TMEM132C: variants seen among roughly 807,000 people sequenced by gnomAD.
The protein encoded by TMEM132C is transmembrane protein 132C, also known as protein phosphatase 1, regulatory subunit 152.
A neutral mutation model predicts 61.4 loss-of-function variants in TMEM132C; 29 were observed. The ratio of observed to expected loss-of-function variants is 0.47; its 90% CI spans 0.35 to 0.64. TMEM132C has a LOEUF of 0.64. Among genes scored for constraint, TMEM132C ranks in the 30% least tolerant of loss-of-function variants. The pLI is 0.00. For synonymous variants in TMEM132C, 656 were observed against 633.1 expected, an observed-to-expected ratio of 1.04 and a Z score of -0.54; for missense variants, 1,408 against 1,476.9, an observed-to-expected ratio of 0.95 and a Z score of 0.76.
At chr12:128,430,211 C>G (rs1244240329) in intron 2 of TMEM132C, among the ~76,000 whole-genome samples, 1 of 152,172 alleles carries the variant, frequency 6.6e-6, no homozygotes, top group African/African-American at 2.4e-5. Flanking sequence ...CACTTCGCTT[C>G]GTATGACACA....
chr12:128,574,398 C>T (rs1040862500), intron 3 of TMEM132C, among the ~76,000 whole-genome samples: 5 of 152,246 alleles, frequency 3.3e-5, no homozygotes, highest in Non-Finnish European at 7.3e-5. Context: ...TTCACAGCAT[C>T]CCTACCATAG....
intron 2 of TMEM132C, among the ~76,000 whole-genome samples, chr12:128,493,793 A>G (rs1008798216): frequency 2.0e-5 from 3 of 152,206 alleles, no homozygotes; most frequent in African/African-American, 7.2e-5. Context: ...TGTCATCTGC[A>G]AACAGGGACA....
chr12:128,391,360 T>C (rs1874758174), intron 1 of TMEM132C, among the ~76,000 whole-genome samples: 1 of 152,184 alleles, frequency 6.6e-6, no homozygotes, highest in Non-Finnish European at 1.5e-5. Context: ...AGAGGCTCAC[T>C]GTGGTGGGAT....
At chr12:128,536,397 G>T (rs572785740) in intron 2 of TMEM132C, among the ~76,000 whole-genome samples, 1 of 152,226 alleles carries the variant, frequency 6.6e-6, no homozygotes, top group African/African-American at 2.4e-5. Context: ...GTCATGGGGT[G>T]GGGGGCTGGG....
chr12:128,392,060 C>CCCTT (rs1565922152), intron 1 of TMEM132C, among the ~76,000 whole-genome samples: 1 of 67,310 alleles, frequency 1.5e-5, no homozygotes, highest in East Asian at 7.2e-4. Flanking sequence ...CTGTCTCTCT[C>CCCTT]TCTTTCTCTC....
intron 2 of TMEM132C, among the ~76,000 whole-genome samples, chr12:128,480,566 C>T (rs1871286372): frequency 6.6e-6 from 1 of 152,180 alleles, no homozygotes; most frequent in African/African-American, 2.4e-5. Context: ...AGGCTGCAGT[C>T]CCCGTTGCTG....
At chr12:128,461,024 A>G (rs1176722549) in intron 2 of TMEM132C, among the ~76,000 whole-genome samples, 2 of 152,222 alleles carry the variant, frequency 1.3e-5, no homozygotes, top group East Asian at 1.9e-4. Context: ...GTTTTTTAAA[A>G]GAAAGTTAAT....
At chr12:128,286,140 G>C (rs961330860) in intron 1 of TMEM132C, among the ~76,000 whole-genome samples, 1 of 149,872 alleles carries the variant, frequency 6.7e-6, no homozygotes, top group Non-Finnish European at 1.5e-5. Context: ...TCACACACAC[G>C]CATGCTTTCA....
At position 128,452,689 on chromosome 12, in the gene TMEM132C, G is replaced by A. The variant is rs555853728; in HGVS notation, c.974+37069G>A. 3.2e-4 allele frequency among the ~76,000 whole-genome samples: 48 copies of A among 151,830 alleles called. 1 individual carries two copies. The highest frequency in any genetic ancestry group is 1.0e-3 in the African/African-American group (42 of 41,348). The stretch of plus-strand genomic sequence containing the variant: ...ACTGCACTCCAGCCTGGGCGACAGA[G>A]TGAGACTCCATCTCAAAAAAAAACC... On this transcript the variant is annotated intron_variant, in intron 2 of 8. Transcript: ENST00000435159.
At chr12:128,340,293 A>G (rs1872914740) in intron 1 of TMEM132C, among the ~76,000 whole-genome samples, 1 of 152,176 alleles carries the variant, frequency 6.6e-6, no homozygotes, top group African/African-American at 2.4e-5. Flanking sequence ...AGGTTCAAAA[A>G]GTCTTCTGCC....
chr12:128,486,941 A>C (rs2136096387), intron 2 of TMEM132C, among the ~76,000 whole-genome samples: 1 of 151,618 alleles, frequency 6.6e-6, no homozygotes, highest in South Asian at 2.1e-4. Flanking sequence ...TTTTAGTGCT[A>C]GTACTAGTGT....
Position 128,630,932 on chromosome 12 carries a change from TG to T in TMEM132C, c.1305+14598del, listed in dbSNP as rs1291723470. Among the ~76,000 whole-genome samples, 1 of 152,118 alleles carries T rather than the reference TG, an allele frequency of 6.6e-6. No homozygotes were observed. The highest frequency in any genetic ancestry group is 2.4e-5 in the African/African-American group (1 of 41,432). On this transcript the variant is annotated intron_variant, in intron 4 of 8. Transcript: ENST00000435159. The surrounding 1 kb of genome is among the most constrained non-coding windows in gnomAD (Gnocchi z 4.3). Reference sequence around the variant, plus strand: ...CTGTATTCCCAGCTACTCAGGAGGCTGAGACACGAGAATCGCTTGAACCTGG... The same window carrying T: ...CTGTATTCCCAGCTACTCAGGAGGCTAGACACGAGAATCGCTTGAACCTGG...
At chr12:128,695,155 G>A (rs1954749711) in intron 6 of TMEM132C, among the ~76,000 whole-genome samples, 1 of 152,216 alleles carries the variant, frequency 6.6e-6, no homozygotes, top group African/African-American at 2.4e-5. Flanking sequence ...ACTAGCACAA[G>A]TAGCTATGGA....
intron 4 of TMEM132C, among the ~76,000 whole-genome samples, chr12:128,668,337 A>G (rs1053012737): frequency 2.0e-5 from 3 of 152,206 alleles, no homozygotes; most frequent in Non-Finnish European, 4.4e-5. Flanking sequence ...TTGACAGCAT[A>G]TAAGACATTG....
intron 2 of TMEM132C, among the ~76,000 whole-genome samples, chr12:128,441,026 A>G (rs1869765377): frequency 1.3e-5 from 2 of 152,198 alleles, no homozygotes; most frequent in Non-Finnish European, 2.9e-5. Flanking sequence ...GGGCGACAAG[A>G]GCGAAACTCC....
chr12:128,558,136 G>C (rs960613810), intron 3 of TMEM132C, among the ~76,000 whole-genome samples: 1 of 152,208 alleles, frequency 6.6e-6, no homozygotes, highest in African/African-American at 2.4e-5. Flanking sequence ...TGTTAGTTGT[G>C]TTTTCTATGG....
At chr12:128,704,194 TG>T (rs1460713465) in intron 8 of TMEM132C, among the ~76,000 whole-genome samples, 1 of 152,244 alleles carries the variant, frequency 6.6e-6, no homozygotes, top group Admixed American at 6.5e-5. Flanking sequence ...TGCAGCAACA[TG>T]GATGATCCTG....
At chr12:128,466,991 A>G (rs1273290601) in intron 2 of TMEM132C, among the ~76,000 whole-genome samples, 1 of 152,182 alleles carries the variant, frequency 6.6e-6, no homozygotes, top group Non-Finnish European at 1.5e-5. Flanking sequence ...CACTTGTGGA[A>G]GGAGTAGGAT....
intron 3 of TMEM132C, among the ~76,000 whole-genome samples, chr12:128,567,103 C>G (rs796137668): frequency 6.6e-6 from 1 of 152,140 alleles, no homozygotes; most frequent in East Asian, 1.9e-4. Flanking sequence ...TAGAAAACAT[C>G]CCAACCCACT....
Sources: gnomAD v4.1 joint callset for allele counts (sites outside exome capture counted in the v4.1 genomes callset) on GRCh38, gnomAD v4.1.1 for gene constraint, Gnocchi (gnomAD v3.1) non-coding constraint, MANE v1.5 for transcripts, NCBI Gene and HGNC (gene_info 2026-07-23, HGNC 2026-07-21) for gene names.